COBLL1: variants seen among roughly 807,000 people sequenced by gnomAD.
COBLL1 encodes the protein cordon-bleu protein-like 1.
A neutral mutation model predicts 94.8 loss-of-function variants in COBLL1; 50 were observed. The observed-to-expected ratio is 0.53, with a 90% confidence interval of 0.42 to 0.67. COBLL1 has a LOEUF of 0.67. COBLL1 is among the 30% of genes least tolerant of loss of function. The pLI is 0.00. For missense variants in COBLL1, 1,362 were observed against 1,348.7 expected (o/e 1.01, Z -0.15); for synonymous variants, 448 against 473.8 (o/e 0.95, Z 0.71).
chr2:164,798,919 C>T (rs1032457622), intron 2 of COBLL1, among the ~76,000 whole-genome samples: 1 of 147,078 alleles, frequency 6.8e-6, no homozygotes, highest in Non-Finnish European at 1.5e-5. Context: ...ACTCGGGAGG[C>T]TGAGGCAGGA....
chr2:164,716,463 A>T (rs186428416), intron 7 of COBLL1, among the ~76,000 whole-genome samples: 1 of 152,304 alleles, frequency 6.6e-6, no homozygotes, highest in Non-Finnish European at 1.5e-5. Flanking sequence ...ATTTTCATAG[A>T]AGATGATATA....
intron 2 of COBLL1, among the ~76,000 whole-genome samples, chr2:164,784,413 A>G (rs548424981): frequency 3.9e-4 from 60 of 152,290 alleles, no homozygotes; most frequent in Non-Finnish European, 6.8e-4. Context: ...TAATTTGTAG[A>G]TATTTCTTTA....
At chr2:164,730,515 AAAC>A (rs1029427934) in intron 3 of COBLL1, among the ~76,000 whole-genome samples, 12 of 151,662 alleles carry the variant, frequency 7.9e-5, no homozygotes, top group South Asian at 2.1e-4. Context: ...ATAACAATAA[AAAC>A]AACAACAACA....
chr2:164,701,541 T>G (rs993649113), intron 9 of COBLL1, among the ~76,000 whole-genome samples: 1 of 152,224 alleles, frequency 6.6e-6, no homozygotes, highest in African/African-American at 2.4e-5. Context: ...GTTAGTTTAT[T>G]TAATATAAAT....
chr2:164,716,564 TA>T (rs1214121811), intron 7 of COBLL1, among the ~76,000 whole-genome samples: 2 of 152,098 alleles, frequency 1.3e-5, no homozygotes, highest in East Asian at 3.9e-4. Flanking sequence ...ACTGCAGCAA[TA>T]ATAGTAAAAT....
chr2:164,667,972 T>C (rs1236316542), intron 1 of COBLL1, among the ~76,000 whole-genome samples: 1 of 145,228 alleles, frequency 6.9e-6, no homozygotes, highest in Non-Finnish European at 1.5e-5. Flanking sequence ...TGAGATGGAG[T>C]CTCACTCTAT....
At chr2:164,699,970 A>G (rs936474299) in intron 10 of COBLL1, among the ~76,000 whole-genome samples, 4 of 152,160 alleles carry the variant, frequency 2.6e-5, no homozygotes, top group South Asian at 2.1e-4. Flanking sequence ...CGTCTGACAT[A>G]TATGGTTTAT....
At chr2:164,789,020 A>AACACACACACACACACACACACACACAC (rs56773751) in intron 2 of COBLL1, among the ~76,000 whole-genome samples, 2 of 141,564 alleles carry the variant, frequency 1.4e-5, no homozygotes, top group African/African-American at 2.6e-5. Flanking sequence ...TAGAGGTTTA[A>AACACACACACACACACACACACACACAC]ACACACACAC....
At chr2:164,804,834 C>G (rs1684006744) in intron 2 of COBLL1, among the ~76,000 whole-genome samples, 1 of 152,174 alleles carries the variant, frequency 6.6e-6, no homozygotes, top group African/African-American at 2.4e-5. Context: ...CTCAAATCGA[C>G]CTCTCCTCCC....
At chr2:164,721,877 T>C (rs1434547705) in intron 7 of COBLL1, 198 bp downstream of exon 7, 3 of 388,848 alleles carry the variant, frequency 7.7e-6, no homozygotes, top group Non-Finnish European at 1.4e-5. Flanking sequence ...CAGACCTGTA[T>C]GTACATAGAA....
intron 2 of COBLL1, among the ~76,000 whole-genome samples, chr2:164,803,432 G>A (rs1331777000): frequency 6.6e-6 from 1 of 150,638 alleles, no homozygotes; most frequent in Admixed American, 6.6e-5. Flanking sequence ...GGGCGTAGTG[G>A]CGGGCGCCTG....
At chr2:164,757,415 T>A (rs61066633) in intron 2 of COBLL1, among the ~76,000 whole-genome samples, 1,641 of 152,276 alleles carry the variant, frequency 0.011, 28 homozygotes, top group African/African-American at 0.038. Flanking sequence ...CAAATTTAAA[T>A]CCCTGTTACA....
Position 164,685,747 on chromosome 2 carries a change from C to CA in COBLL1, c.*198dup, listed in dbSNP as rs912042675. On this transcript the variant is annotated 3_prime_UTR_variant, in exon 14 of 14. Coordinates refer to ENST00000652658, the MANE Select transcript of COBLL1 (RefSeq NM_001365672.2). ...AAAGCAGCATATTCAACTCTTAAGGCAAAAAAAAGATCAAAAAATTACTAT... is the reference window on the plus strand; with the variant it reads ...AAAGCAGCATATTCAACTCTTAAGGCAAAAAAAAAGATCAAAAAATTACTAT... 186 of 381,278 alleles carry CA rather than the reference C, an allele frequency of 4.9e-4. No homozygotes were observed. The highest frequency in any genetic ancestry group is 7.1e-4 in the Non-Finnish European group (153 of 216,386). 23.6% of individuals were successfully genotyped at this position (381,278 alleles called of 1,614,324 possible).
intron 2 of COBLL1, among the ~76,000 whole-genome samples, chr2:164,799,027 A>AAAAG (rs1341530442): frequency 2.6e-5 from 4 of 151,312 alleles, no homozygotes; most frequent in Admixed American, 2.6e-4. Flanking sequence ...CTCAAAAAAA[A>AAAAG]AAAAAAAAAA....
chr2:164,682,799 A>G lies in COBLL1; in HGVS notation c.*3147T>C, dbSNP rs527339564. 14 of 152,220 alleles carry G rather than the reference A, an allele frequency of 9.2e-5. No individual in the cohort carries two copies. Among genetic ancestry groups the G allele is most frequent in the Admixed American group, 3.3e-4 (5 of 15,254 alleles). The allele number at this position is 152,220 out of a possible 1,614,324, so 9.4% of individuals were successfully genotyped here. ...TAATTTGCCCAAGATCCCATGACTC[A>G]TAAGTGGCAGACTTGTGATCTGAAC... On this transcript the variant is annotated 3_prime_UTR_variant, in exon 14 of 14. Transcript: ENST00000652658.
intron 9 of COBLL1, among the ~76,000 whole-genome samples, chr2:164,701,386 G>A (rs953861347): frequency 2.0e-5 from 3 of 152,192 alleles, no homozygotes; most frequent in African/African-American, 7.2e-5. Flanking sequence ...AATACAAATA[G>A]AGCAAGTATT....
In COBLL1 at chr2:164,681,811, A is replaced by G. The variant is rs1683055763; in HGVS notation, c.*4135T>C. ...TCCAGTTTGTGAAGCAGAGATGCCA[A>G]CAGATCTCTACAAATTACCAGAATG... On this transcript the variant is annotated 3_prime_UTR_variant, in exon 14 of 14. Coordinates refer to ENST00000652658, the MANE Select transcript of COBLL1 (RefSeq NM_001365672.2). 1 of 152,204 alleles carries G rather than the reference A, an allele frequency of 6.6e-6. No individual in the cohort carries two copies. The highest frequency in any genetic ancestry group is 2.4e-5 in the African/African-American group (1 of 41,460). The allele number at this position is 152,204 out of a possible 1,614,324, so 9.4% of individuals were successfully genotyped here. A position where few individuals can be genotyped will look rare whatever the true frequency, so the allele number is the denominator to read the frequency against.
At chr2:164,723,304 T>TA in intron 5 of COBLL1, 1 of 152,270 alleles carries the variant, frequency 6.6e-6, no homozygotes, top group South Asian at 2.1e-4. Context: ...AATATTTATA[T>TA]AAAATTTTCC....
chr2:164,687,301 G>A (rs1683349380), intron 13 of COBLL1: 5 of 628,248 alleles, frequency 8.0e-6, no homozygotes, highest in South Asian at 3.6e-5. Flanking sequence ...TGCAGGGCCC[G>A]GCACTTGTCC....
Sources: allele counts gnomAD v4.1 joint callset (sites outside exome capture counted in the v4.1 genomes callset), GRCh38; gene constraint gnomAD v4.1.1; transcripts MANE v1.5; gene names NCBI Gene and HGNC (gene_info 2026-07-23, HGNC 2026-07-21).